The following LMTK2 variants were observed in gnomAD, a reference collection of about 807,000 sequenced individuals.
LMTK2 encodes the protein lemur tail kinase 2, also known as serine/threonine-protein kinase LMTK2.
In LMTK2, 37 loss-of-function variants were observed where a neutral mutation model predicts 127.5. That is an observed-to-expected ratio of 0.29 (90% CI 0.22 to 0.38). LMTK2 has a LOEUF of 0.38. LMTK2 is among the 10% of genes least tolerant of loss of function. LMTK2 has a pLI of 1.00. For missense variants in LMTK2, 1,694 were observed against 1,920.3 expected (o/e 0.88, Z 2.20); for synonymous variants, 819 against 810.1 (o/e 1.01, Z -0.19).
At chr7:98,196,436 C>T (rs781014894) in intron 11 of LMTK2, among the ~76,000 whole-genome samples, 1 of 152,206 alleles carries the variant, frequency 6.6e-6, no homozygotes, top group African/African-American at 2.4e-5. Context: ...CCACATAGCC[C>T]TTTCTCCACC....
chr7:98,171,566 G>A lies in LMTK2; in HGVS notation c.683G>A (p.Ser228Asn), dbSNP rs1797191556. ...GGTGACCTGAAGGCGTATCTGCGCAGCGAGCAGGAGCACATGCGGGGGGAC... is the reference window on the plus strand; with the variant it reads ...GGTGACCTGAAGGCGTATCTGCGCAACGAGCAGGAGCACATGCGGGGGGAC... ...DLGDLKAYLR[S>N]EQEHMRGDSQ... is the part of the protein sequence containing the mutation. The change falls in exon 7 of 14, where the codon AGC (serine) becomes AAC (asparagine). Residue 228 changes from serine to asparagine, a missense_variant. By Grantham distance (46) the Ser-to-Asn change is conservative. Transcript: ENST00000297293. The surrounding 1 kb of genome is among the most constrained non-coding windows in gnomAD (Gnocchi z 5.1). 6.2e-7 allele frequency: 1 copy of A among 1,613,994 alleles called. No homozygotes were observed. The highest frequency in any genetic ancestry group is 8.5e-7 in the Non-Finnish European group (1 of 1,180,028).
At chr7:98,133,264 G>A (rs1377212264) in intron 1 of LMTK2, among the ~76,000 whole-genome samples, 1 of 152,172 alleles carries the variant, frequency 6.6e-6, no homozygotes, top group Non-Finnish European at 1.5e-5. Context: ...CTCGACGTAT[G>A]CCCTTCTCAG....
In LMTK2 at chr7:98,207,138, T is replaced by TC. The variant is rs1797817679; in HGVS notation, c.*1648dup. 6.6e-6 allele frequency: 1 copy of TC among 152,254 alleles called. No individual in the cohort carries two copies. The highest frequency in any genetic ancestry group is 2.4e-5 in the African/African-American group (1 of 41,392). The allele number at this position is 152,254 out of a possible 1,614,324, so 9.4% of individuals were successfully genotyped here. ...TGTGCTGTGCTGGGGAGGCAGCCGT[T>TC]CCTTCGGGGGTCCTTGGGCCTGCAG... is the stretch of plus-strand genomic sequence containing the variant. On this transcript the variant is annotated 3_prime_UTR_variant, in exon 14 of 14. Transcript: ENST00000297293.
intron 7 of LMTK2, among the ~76,000 whole-genome samples, chr7:98,181,580 A>T (rs1288468205): frequency 6.6e-6 from 1 of 152,278 alleles, no homozygotes; most frequent in Non-Finnish European, 1.5e-5. Context: ...TTGTACTAGC[A>T]TAAGGAAGAC....
intron 1 of LMTK2, among the ~76,000 whole-genome samples, chr7:98,132,616 C>T (rs1220586503): frequency 1.3e-5 from 2 of 152,028 alleles, no homozygotes; most frequent in Non-Finnish European, 2.9e-5. Flanking sequence ...TTCCTTATGA[C>T]TTGAACCACT....
At chr7:98,160,633 G>A (rs1228927795) in intron 6 of LMTK2, among the ~76,000 whole-genome samples, 13 of 152,112 alleles carry the variant, frequency 8.5e-5, no homozygotes, top group Admixed American at 8.5e-4. Flanking sequence ...AAGTTTGTGA[G>A]GTTGTTTAAA....
At position 98,192,590 on chromosome 7, in the gene LMTK2, G is replaced by T. The variant is rs750081620; in HGVS notation, c.2125G>T (p.Asp709Tyr). ...LCLSDNLMHQ[D>Y]NFDPLNVQEL... ...CCTATCAGATAATCTTATGCACCAA[G>T]ATAATTTTGATCCATTGAATGTTCA... Residue 709 changes from aspartate (D) to tyrosine (Y), a missense_variant, in exon 11 of 14, where the codon GAT becomes TAT. Coordinates refer to ENST00000297293, the MANE Select transcript of LMTK2 (RefSeq NM_014916.4). 7.4e-6 allele frequency: 12 copies of T among 1,613,300 alleles called. No homozygotes were observed. In the South Asian group the frequency reaches 1.3e-4, roughly 18 times the overall value.
chr7:98,172,027 C>G (rs147667094), intron 7 of LMTK2, among the ~76,000 whole-genome samples: 3 of 152,284 alleles, frequency 2.0e-5, no homozygotes, highest in African/African-American at 7.2e-5. Context: ...GCCACCCGCC[C>G]GGTTTCATGG....
chr7:98,201,116 T>C (rs1797698509), intron 11 of LMTK2, among the ~76,000 whole-genome samples: 1 of 152,182 alleles, frequency 6.6e-6, no homozygotes, highest in African/African-American at 2.4e-5. Context: ...TAAGACTATT[T>C]CACACTCATT....
At chr7:98,196,343 A>G (rs1294520674) in intron 11 of LMTK2, among the ~76,000 whole-genome samples, 1 of 152,186 alleles carries the variant, frequency 6.6e-6, no homozygotes, top group Non-Finnish European at 1.5e-5. Context: ...GAGCCTGAGA[A>G]AACACGCTGC....
intron 7 of LMTK2, among the ~76,000 whole-genome samples, chr7:98,177,995 C>T (rs924571274): frequency 1.3e-5 from 2 of 152,146 alleles, no homozygotes; most frequent in South Asian, 2.1e-4. Flanking sequence ...AATGACGTGA[C>T]GAGCAGAGGG....
intron 13 of LMTK2, 150 bp downstream of exon 13, chr7:98,204,336 C>CTGATGATGGGAGTTTTAT: frequency 9.4e-7 from 1 of 1,062,232 alleles, no homozygotes; most frequent in Non-Finnish European, 1.3e-6. Flanking sequence ...AAACTCCCAT[C>CTGATGATGGGAGTTTTAT]ATCAGCTGGG....
At chr7:98,174,272 G>A (rs939040219) in intron 7 of LMTK2, among the ~76,000 whole-genome samples, 1 of 151,998 alleles carries the variant, frequency 6.6e-6, no homozygotes, top group Non-Finnish European at 1.5e-5. Flanking sequence ...TTCCTCTGTT[G>A]GTTGAAAATA....
intron 4 of LMTK2, among the ~76,000 whole-genome samples, chr7:98,154,420 A>C (rs562051397): frequency 6.6e-6 from 1 of 152,388 alleles, no homozygotes; most frequent in South Asian, 2.1e-4. Context: ...GAACTTATAA[A>C]TTGCACTTCT....
At chr7:98,136,981 G>A (rs952925511) in intron 1 of LMTK2, among the ~76,000 whole-genome samples, 5 of 152,180 alleles carry the variant, frequency 3.3e-5, no homozygotes, top group African/African-American at 9.6e-5. Context: ...AGTAAAATCC[G>A]AATAAAGCCT....
At chr7:98,161,988 G>A (rs1797024023) in intron 6 of LMTK2, among the ~76,000 whole-genome samples, 1 of 152,196 alleles carries the variant, frequency 6.6e-6, no homozygotes, top group South Asian at 2.1e-4. Context: ...AGGTGGCTTG[G>A]AAAACTATCT....
At position 98,207,658 on chromosome 7, in the gene LMTK2, A is replaced by G. The variant is rs2116493496; in HGVS notation, c.*2166A>G. 1 of 152,230 alleles carries G rather than the reference A, an allele frequency of 6.6e-6. No homozygotes were observed. The highest frequency in any genetic ancestry group is 2.4e-5 in the African/African-American group (1 of 41,534). The allele number at this position is 152,230 out of a possible 1,614,324, so 9.4% of individuals were successfully genotyped here. A position where few individuals can be genotyped will look rare whatever the true frequency, so the allele number is the denominator to read the frequency against. On this transcript the variant is annotated 3_prime_UTR_variant, in exon 14 of 14. Transcript: ENST00000297293. ...AAGAGAAATGAGACGTGATTATACT[A>G]CTTTTTCAATTGCAGGTTTAAGGAG...
chr7:98,206,836 GA>G lies in LMTK2; in HGVS notation c.*1345del, dbSNP rs1385103684. On this transcript the variant is annotated 3_prime_UTR_variant, in exon 14 of 14. Transcript: ENST00000297293. ...ACCACATCCTGCAGCTGTGAAGGGG[GA>G]TGGACAAGGGACGACGGCCGACGGC... 1.3e-5 allele frequency: 2 copies of G among 152,306 alleles called. No individual in the cohort carries two copies. The highest frequency in any genetic ancestry group is 2.4e-5 in the African/African-American group (1 of 41,438). 9.4% of individuals were successfully genotyped at this position (152,306 alleles called of 1,614,324 possible). A position where few individuals can be genotyped will look rare whatever the true frequency, so the allele number is the denominator to read the frequency against.
intron 7 of LMTK2, among the ~76,000 whole-genome samples, chr7:98,177,000 CCAG>C (rs537751424): frequency 1.1e-4 from 16 of 152,050 alleles, no homozygotes; most frequent in Non-Finnish European, 1.9e-4. Flanking sequence ...CAACTGGAAG[CCAG>C]CAGAGCTGGG....
Sources: gnomAD v4.1 joint callset for allele counts (sites outside exome capture counted in the v4.1 genomes callset) on GRCh38, gnomAD v4.1.1 for gene constraint, Gnocchi (gnomAD v3.1) non-coding constraint, MANE v1.5 for transcripts, NCBI Gene and HGNC (gene_info 2026-07-23, HGNC 2026-07-21) for gene names.